Variants in DPP6 observed in about 807,000 individuals in gnomAD.
DPP6 encodes the protein dipeptidyl peptidase like 6, also known as A-type potassium channel modulatory protein DPP6.
A neutral mutation model predicts 122.6 loss-of-function variants in DPP6; 69 were observed. The observed-to-expected ratio is 0.56, with a 90% CI of 0.46 to 0.69. The LOEUF (loss-of-function observed/expected upper bound fraction) is 0.69, where lower values mean the gene tolerates loss of function less well. Among genes scored for constraint, DPP6 ranks in the 30% least tolerant of loss-of-function variants. DPP6 has a pLI of 0.00. For synonymous variants in DPP6, 418 were observed against 433.1 expected (o/e 0.97, Z 0.43); for missense variants, 928 against 1,116.9 (o/e 0.83, Z 2.41).
At chr7:154,803,116 TC>T (rs1798476088) in intron 13 of DPP6, among the ~76,000 whole-genome samples, 1 of 152,154 alleles carries the variant, frequency 6.6e-6, no homozygotes, top group Non-Finnish European at 1.5e-5. Context: ...ACCCCCATGT[TC>T]GAGTCTGCAG....
intron 3 of DPP6, chr7:154,475,316 C>T (rs551469262): frequency 1.6e-4 from 63 of 402,772 alleles, no homozygotes; most frequent in Non-Finnish European, 2.7e-4. Context: ...GTGCCACCTC[C>T]CAGAGACATC....
chr7:154,388,900 T>A (rs1814360993), intron 1 of DPP6, among the ~76,000 whole-genome samples: 1 of 152,210 alleles, frequency 6.6e-6, no homozygotes, highest in Admixed American at 6.5e-5. Context: ...TTGTCAAAGA[T>A]GTATGTCTTA....
intron 1 of DPP6, among the ~76,000 whole-genome samples, chr7:154,245,146 T>A (rs13246199): frequency 6.7e-6 from 1 of 150,158 alleles, no homozygotes; most frequent in African/African-American, 2.5e-5. Context: ...AGAGATGGGG[T>A]TTCAACATGT....
chr7:153,926,365 T>G (rs182059385), intron 1 of DPP6, among the ~76,000 whole-genome samples: 277 of 152,340 alleles, frequency 1.8e-3, no homozygotes, highest in African/African-American at 5.7e-3. Context: ...TTTTGAAGCC[T>G]AACTCCTAAG....
chr7:154,255,491 T>C (rs1020139630), intron 1 of DPP6, among the ~76,000 whole-genome samples: 37 of 152,172 alleles, frequency 2.4e-4, no homozygotes, highest in African/African-American at 8.7e-4. Context: ...CTCTTTGAAT[T>C]CTGCGGTGCG....
chr7:154,832,566 G>A (rs551047792), intron 16 of DPP6, among the ~76,000 whole-genome samples: 6 of 152,240 alleles, frequency 3.9e-5, no homozygotes, highest in African/African-American at 1.4e-4. Context: ...TACGTCTCAC[G>A]CGAGGGCACA....
intron 1 of DPP6, among the ~76,000 whole-genome samples, chr7:153,940,913 C>T (rs1801667840): frequency 6.6e-6 from 1 of 151,668 alleles, no homozygotes; most frequent in South Asian, 2.1e-4. Flanking sequence ...GAAATCTCTC[C>T]TGTAGCGAAA....
intron 1 of DPP6, among the ~76,000 whole-genome samples, chr7:154,289,990 G>A (rs9655634): frequency 0.23 from 34,751 of 152,060 alleles, 4,123 homozygotes; most frequent in South Asian, 0.28. Context: ...CCAGATGGGC[G>A]AGGATGTTGA....
Position 154,453,332 on chromosome 7 carries a change from G to T in DPP6, c.358+7004G>T, listed in dbSNP as rs755316578. Among the ~76,000 whole-genome samples the T allele has an allele frequency of 5.9e-5, 9 of 152,194 alleles. No homozygotes were observed. In the East Asian group the frequency reaches 1.4e-3, roughly 23 times the overall value. On this transcript the variant is annotated intron_variant, in intron 2 of 25. Transcript: ENST00000377770. ...GGTTCTGGGTTAAGGCCAAGCACAG[G>T]TTATCAGAACACAAGACTCGTCAGT...
chr7:153,964,951 T>TTTCTTTCTTC (rs1795598820), intron 1 of DPP6, among the ~76,000 whole-genome samples: 2 of 132,864 alleles, frequency 1.5e-5, no homozygotes, highest in East Asian at 4.1e-4. Flanking sequence ...TTTCTTTCTT[T>TTTCTTTCTTC]CTCTCTTTCT....
intron 10 of DPP6, among the ~76,000 whole-genome samples, chr7:154,790,920 T>C (rs1475298906): frequency 2.0e-5 from 3 of 151,804 alleles, no homozygotes; most frequent in Non-Finnish European, 2.9e-5. Context: ...TCATTTTACT[T>C]GGGGCTCTGT....
intron 1 of DPP6, among the ~76,000 whole-genome samples, chr7:154,350,016 A>G (rs1048970497): frequency 5.3e-5 from 8 of 152,200 alleles, no homozygotes; most frequent in African/African-American, 1.9e-4. Flanking sequence ...CTCTTAACTT[A>G]GGAGGAGGAC....
At chr7:154,164,170 C>G (rs1435623069) in intron 1 of DPP6, among the ~76,000 whole-genome samples, 4 of 149,984 alleles carry the variant, frequency 2.7e-5, no homozygotes, top group African/African-American at 1.0e-4. Flanking sequence ...TGACTATGGT[C>G]TAAGAGTCTT....
intron 6 of DPP6, among the ~76,000 whole-genome samples, chr7:154,640,535 T>A (rs11767658): frequency 0.37 from 56,326 of 151,968 alleles, 10,587 homozygotes; most frequent in African/African-American, 0.4. Context: ...TGATGAGAAA[T>A]TAGCCAATTA....
intron 1 of DPP6, among the ~76,000 whole-genome samples, chr7:153,902,991 C>A (rs982867163): frequency 6.6e-6 from 1 of 152,084 alleles, no homozygotes; most frequent in South Asian, 2.1e-4. Context: ...AATGAGTAAC[C>A]GCTACAATAG....
chr7:154,005,816 G>T (rs1797890588), intron 1 of DPP6, among the ~76,000 whole-genome samples: 1 of 151,906 alleles, frequency 6.6e-6, no homozygotes, highest in African/African-American at 2.4e-5. Context: ...CCGGTTGGAC[G>T]AGCTGCAAGC....
At chr7:154,490,427 A>G (rs1383397840) in intron 3 of DPP6, among the ~76,000 whole-genome samples, 1 of 152,202 alleles carries the variant, frequency 6.6e-6, no homozygotes, top group Non-Finnish European at 1.5e-5. Flanking sequence ...CCTGAAGGTC[A>G]CAGCAGAAGT....
chr7:154,160,507 T>C (rs1375401456), intron 1 of DPP6, among the ~76,000 whole-genome samples: 1 of 152,174 alleles, frequency 6.6e-6, no homozygotes, highest in Non-Finnish European at 1.5e-5. Flanking sequence ...TATACAACTA[T>C]CACGGAAAGT....
chr7:154,467,330 G>A (rs1031639824), intron 2 of DPP6, among the ~76,000 whole-genome samples: 2 of 152,146 alleles, frequency 1.3e-5, no homozygotes, highest in African/African-American at 2.4e-5. Flanking sequence ...TAATCCTAAC[G>A]TGTTGAATGA....
Sources: gnomAD v4.1 joint callset for allele counts (sites outside exome capture counted in the v4.1 genomes callset) on GRCh38, gnomAD v4.1.1 for gene constraint, MANE v1.5 for transcripts, NCBI Gene and HGNC (gene_info 2026-07-23, HGNC 2026-07-21) for gene names.